Variants in SCAPER observed in about 807,000 individuals in gnomAD.
SCAPER encodes S phase cyclin A-associated protein in the endoplasmic reticulum.
A neutral mutation model predicts 182.2 loss-of-function variants in SCAPER; 98 were observed. The observed-to-expected ratio is 0.54, with a 90% confidence interval of 0.46 to 0.64. The LOEUF (loss-of-function observed/expected upper bound fraction) is 0.64. SCAPER is among the 30% of genes least tolerant of loss of function. The probability of loss-of-function intolerance (pLI) is 0.00; values close to 1 mark genes in which losing one functional copy is unlikely to be tolerated. For missense variants in SCAPER, 1,432 were observed against 1,690.0 expected (o/e 0.85, Z 2.68); for synonymous variants, 605 against 564.6 (o/e 1.07, Z -1.01).
intron 21 of SCAPER, among the ~76,000 whole-genome samples, chr15:76,641,996 G>A (rs1567678699): frequency 6.6e-6 from 1 of 152,120 alleles, no homozygotes; most frequent in Admixed American, 6.5e-5. Context: ...TTAGTTCTAT[G>A]AACCTCAGTG....
At chr15:76,503,512 G>T (rs1420767281) in intron 24 of SCAPER, among the ~76,000 whole-genome samples, 1 of 152,160 alleles carries the variant, frequency 6.6e-6, no homozygotes, top group Non-Finnish European at 1.5e-5. Flanking sequence ...CAGGTAGCTA[G>T]CACTGTCTAA....
chr15:76,580,011 C>G (rs1015096339), intron 22 of SCAPER, among the ~76,000 whole-genome samples: 2 of 152,076 alleles, frequency 1.3e-5, no homozygotes, highest in Non-Finnish European at 2.9e-5. Flanking sequence ...TTGGAGCACA[C>G]AGATATGTAA....
chr15:76,481,511 A>AT (rs1014346435), intron 24 of SCAPER, among the ~76,000 whole-genome samples: 1 of 152,180 alleles, frequency 6.6e-6, no homozygotes, highest in Non-Finnish European at 1.5e-5. Context: ...GCATATATAT[A>AT]TTTTTTTGTT....
chr15:76,554,788 CTTT>C (rs71143339), intron 23 of SCAPER, among the ~76,000 whole-genome samples: 9 of 71,088 alleles, frequency 1.3e-4, no homozygotes, highest in Non-Finnish European at 2.6e-4. Context: ...ATTCAGCATT[CTTT>C]TTTTTTTTTT....
At chr15:76,816,798 G>A (rs994095868) in intron 5 of SCAPER, among the ~76,000 whole-genome samples, 4 of 151,450 alleles carry the variant, frequency 2.6e-5, no homozygotes, top group South Asian at 2.1e-4. Context: ...GACTACAGGC[G>A]CCCGCCACAA....
At chr15:76,636,886 T>C (rs1168812696) in intron 21 of SCAPER, among the ~76,000 whole-genome samples, 1 of 152,186 alleles carries the variant, frequency 6.6e-6, no homozygotes, top group Non-Finnish European at 1.5e-5. Context: ...TACCATACCA[T>C]TTTAACTGAC....
chr15:76,632,396 TGTCA>T (rs1247666217), intron 21 of SCAPER, among the ~76,000 whole-genome samples: 1 of 152,038 alleles, frequency 6.6e-6, no homozygotes, highest in African/African-American at 2.4e-5. Flanking sequence ...GGTTTCACAG[TGTCA>T]GCCAGGATGG....
chr15:76,738,313 T>G (rs1004331363), intron 15 of SCAPER, among the ~76,000 whole-genome samples: 2 of 152,130 alleles, frequency 1.3e-5, no homozygotes, highest in Non-Finnish European at 2.9e-5. Flanking sequence ...AATGTTTTGG[T>G]AGAGATGGGG....
intron 17 of SCAPER, among the ~76,000 whole-genome samples, chr15:76,726,946 A>G (rs567084093): frequency 1.2e-4 from 18 of 152,184 alleles, no homozygotes; most frequent in African/African-American, 4.3e-4. Context: ...AAAAATATCA[A>G]TGTACTCAAG....
intron 17 of SCAPER, among the ~76,000 whole-genome samples, chr15:76,714,534 G>GGTGGTAGTAGTA (rs981246284): frequency 2.1e-4 from 32 of 149,482 alleles, no homozygotes; most frequent in African/African-American, 6.6e-4. Flanking sequence ...TAGTAGTAGT[G>GGTGGTAGTAGTA]GTAGTAGTAG....
chr15:76,711,140 T>C (rs996595113), intron 17 of SCAPER, among the ~76,000 whole-genome samples: 5 of 152,186 alleles, frequency 3.3e-5, no homozygotes, highest in African/African-American at 1.2e-4. Flanking sequence ...TCTTTTTGTG[T>C]TAGGCAACAA....
chr15:76,631,446 T>C (rs146705522), intron 21 of SCAPER, among the ~76,000 whole-genome samples: 1 of 152,216 alleles, frequency 6.6e-6, no homozygotes, highest in Non-Finnish European at 1.5e-5. Flanking sequence ...CCTTTTCATA[T>C]TTAGTGCTTC....
chr15:76,560,858 G>A (rs1345296543), intron 23 of SCAPER, among the ~76,000 whole-genome samples: 2 of 152,082 alleles, frequency 1.3e-5, no homozygotes, highest in Non-Finnish European at 2.9e-5. Flanking sequence ...TATGGCCCAT[G>A]TTTATCATAA....
At chr15:76,737,414 T>G (rs973253021) in intron 15 of SCAPER, among the ~76,000 whole-genome samples, 5 of 152,244 alleles carry the variant, frequency 3.3e-5, no homozygotes. Context: ...AACAGTGGAT[T>G]TAAAATATTC....
chr15:76,733,471 G>A, intron 15 of SCAPER, 87 bp from the exon 16 acceptor site: 2 of 1,467,358 alleles, frequency 1.4e-6, no homozygotes, highest in Non-Finnish European at 1.8e-6. Flanking sequence ...CAGTCAGGCT[G>A]GGCGTGGTGG....
intron 25 of SCAPER, among the ~76,000 whole-genome samples, chr15:76,468,798 C>A (rs75481831): frequency 6.6e-6 from 1 of 152,128 alleles, no homozygotes; most frequent in East Asian, 1.9e-4. Flanking sequence ...TATCTGGAGA[C>A]GGGGCCTGTG....
chr15:76,606,591 G>C (rs1261905537), intron 22 of SCAPER, among the ~76,000 whole-genome samples: 2 of 151,600 alleles, frequency 1.3e-5, no homozygotes, highest in Non-Finnish European at 2.9e-5. Flanking sequence ...CTGTCTTGTT[G>C]ATCTGTCTAA....
At chr15:76,704,970 T>C (rs914231797) in intron 18 of SCAPER, among the ~76,000 whole-genome samples, 1 of 152,126 alleles carries the variant, frequency 6.6e-6, no homozygotes, top group Non-Finnish European at 1.5e-5. Flanking sequence ...AGTTTGACCA[T>C]TGTGGAAGTC....
intron 24 of SCAPER, among the ~76,000 whole-genome samples, chr15:76,496,971 G>C (rs1395971019): frequency 1.3e-5 from 2 of 151,946 alleles, no homozygotes; most frequent in African/African-American, 2.4e-5. Flanking sequence ...TTATTGTAAG[G>C]CTATTGGGAA....
Sources: gnomAD v4.1 joint callset for allele counts (sites outside exome capture counted in the v4.1 genomes callset) on GRCh38, gnomAD v4.1.1 for gene constraint, MANE v1.5 for transcripts, NCBI Gene and HGNC (gene_info 2026-07-23, HGNC 2026-07-21) for gene names.